CHRNA9: variants seen among roughly 807,000 people sequenced by gnomAD.
CHRNA9 encodes neuronal acetylcholine receptor subunit alpha-9.
Under a neutral mutation model 36.8 loss-of-function variants are expected in CHRNA9, and 24 were observed. The ratio of observed to expected loss-of-function variants is 0.65; its 90% CI spans 0.47 to 0.92. The LOEUF is 0.92. Ranked by LOEUF, CHRNA9 falls within the 40% of genes least tolerant of loss-of-function variation. The pLI is 0.00. For missense variants in CHRNA9, 610 were observed against 601.2 expected (o/e 1.01, Z -0.15); for synonymous variants, 231 against 231.8 (o/e 1.00, Z 0.03).
chr4:40,351,273 A>G (rs1264350233), intron 4 of CHRNA9, among the ~76,000 whole-genome samples: 8 of 151,732 alleles, frequency 5.3e-5, no homozygotes, highest in African/African-American at 1.9e-4. Context: ...TGAAGGTTGC[A>G]GTGAGCCAAG....
chr4:40,343,091 T>C (rs1328228815), intron 3 of CHRNA9, among the ~76,000 whole-genome samples: 2 of 152,342 alleles, frequency 1.3e-5, no homozygotes, highest in East Asian at 1.9e-4. Context: ...CGACTCTCCC[T>C]GCTCCCTCAT....
At position 40,348,973 on chromosome 4, in the gene CHRNA9, A is replaced by G; in HGVS notation, c.457A>G (p.Ser153Gly). The G allele has an allele frequency of 3.1e-6, 5 of 1,614,182 alleles. No individual in the cohort carries two copies. Among genetic ancestry groups the G allele is most frequent in the Non-Finnish European group, 4.2e-6 (5 of 1,180,024 alleles). ...CTGGGATGCACCGGCCATCACCAAA[A>G]GCTCCTGTGTGGTGGATGTCACCTA... ...ITWDAPAITK[S>G]SCVVDVTYFP... Residue 153 changes from serine to glycine, a missense_variant, in exon 4 of 5, where the codon AGC becomes GGC. Ser to Gly is a moderately conservative substitution (Grantham distance 56, BLOSUM62 0). Coordinates refer to ENST00000310169, the MANE Select transcript of CHRNA9 (RefSeq NM_017581.4).
intron 4 of CHRNA9, among the ~76,000 whole-genome samples, chr4:40,353,342 T>C (rs1712856405): frequency 1.3e-5 from 2 of 152,056 alleles, no homozygotes; most frequent in South Asian, 4.1e-4. Flanking sequence ...AATACAAAAA[T>C]TAGCCGGGCG....
chr4:40,344,631 C>T (rs1018286164), intron 3 of CHRNA9, among the ~76,000 whole-genome samples: 1 of 151,854 alleles, frequency 6.6e-6, no homozygotes, highest in Non-Finnish European at 1.5e-5. Context: ...TAAAAAGAAG[C>T]CTTAAGGTAT....
Position 40,349,146 on chromosome 4 carries a change from T to A in CHRNA9, c.630T>A (p.Ala210=). 1 of 1,614,188 alleles carries A rather than the reference T, an allele frequency of 6.2e-7. No individual in the cohort carries two copies. The part of the protein sequence containing the change: ...DVEWEVHGMP[A]VKNVISYGCC... ...AATGGGAGGTCCATGGCATGCCCGC[T>A]GTGAAGAATGTGATCTCCTATGGCT... Residue 210 remains alanine, a synonymous_variant, in exon 4 of 5, where the codon GCT becomes GCA. Coordinates refer to ENST00000310169, the MANE Select transcript of CHRNA9 (RefSeq NM_017581.4).
At chr4:40,352,762 T>C (rs1406191345) in intron 4 of CHRNA9, among the ~76,000 whole-genome samples, 2 of 152,220 alleles carry the variant, frequency 1.3e-5, no homozygotes, top group East Asian at 1.9e-4. Context: ...CACTTTTTCA[T>C]CAACATGTGC....
intron 3 of CHRNA9, among the ~76,000 whole-genome samples, chr4:40,339,298 A>G (rs6832425): frequency 0.12 from 16,086 of 129,644 alleles, 1,074 homozygotes; most frequent in Non-Finnish European, 0.2. Context: ...AAAAAAAAAA[A>G]AAAGAAAGAA....
chr4:40,335,591 A>G, intron 1 of CHRNA9, 60 bp downstream of exon 1: 1 of 1,327,582 alleles, frequency 7.5e-7, no homozygotes, highest in Middle Eastern at 1.9e-4. Flanking sequence ...CTTTGGTGGG[A>G]GGTGGGGCAG....
chr4:40,335,742 C>T, intron 1 of CHRNA9, 85 bp from the exon 2 acceptor site: 1 of 1,370,056 alleles, frequency 7.3e-7, no homozygotes, highest in South Asian at 1.3e-5. Context: ...GGGCCATCCC[C>T]CATTTTAGAC....
chr4:40,349,323 C>T lies in CHRNA9; in HGVS notation c.807C>T (p.Val269=). The T allele has an allele frequency of 6.2e-7, 1 of 1,614,160 alleles. No homozygotes were observed. Among genetic ancestry groups the T allele is most frequent in the East Asian group, 2.2e-5 (1 of 44,892 alleles). The change falls in exon 4 of 5, where the codon GTC becomes GTT. Residue 269 remains valine, a synonymous_variant. Coordinates refer to ENST00000310169, the MANE Select transcript of CHRNA9 (RefSeq NM_017581.4). ...TCCCAGCAGCCTCCGGAGAAAAGGTCTCCCTGGGAGTGACCATCCTGTTGG... is the reference window on the plus strand; with the variant it reads ...TCCCAGCAGCCTCCGGAGAAAAGGTTTCCCTGGGAGTGACCATCCTGTTGG... ...FYLPAASGEK[V]SLGVTILLAM... is the part of the protein sequence containing the mutation.
rs767362990 is a variant in CHRNA9, at chr4:40,348,860, A to G, written c.366-22A>G. On this transcript the variant is annotated intron_variant, in intron 3 of 4. Transcript: ENST00000310169. ...CAAGTTCTCCTAGCATGCGGCTTTCATTTTCCTTATCTGACCTTCAGGGCT... is the reference window on the plus strand; with the variant it reads ...CAAGTTCTCCTAGCATGCGGCTTTCGTTTTCCTTATCTGACCTTCAGGGCT... 3 of 1,603,770 alleles carry G rather than the reference A, an allele frequency of 1.9e-6. No homozygotes were observed. In the African/African-American group the frequency reaches 4.0e-5, roughly 21 times the overall value.
rs763435160 is a variant in CHRNA9, at chr4:40,354,488, A to G, written c.1408A>G (p.Met470Val). The G allele has an allele frequency of 3.1e-5, 50 of 1,613,472 alleles. No homozygotes were observed. The highest frequency in any genetic ancestry group is 4.1e-5 in the Non-Finnish European group (48 of 1,179,590). ...MWIFFIMVFVMTILIIARAD is the reference protein window; with the variant it reads ...MWIFFIMVFVVTILIIARAD The stretch of plus-strand genomic sequence containing the variant: ...GATTTTTTTCATTATGGTGTTTGTG[A>G]TGACTATTTTGATCATAGCAAGAGC... Residue 470 changes from methionine to valine, a missense_variant, in exon 5 of 5, where the codon ATG becomes GTG. Transcript: ENST00000310169.
chr4:40,346,030 AAACAACAAC>A (rs145046393), intron 3 of CHRNA9, among the ~76,000 whole-genome samples: 4 of 151,520 alleles, frequency 2.6e-5, no homozygotes, highest in Non-Finnish European at 4.4e-5. Context: ...CGTCTCAAAC[AAACAACAAC>A]AACAACAACA....
chr4:40,348,293 G>T (rs1577548443), intron 3 of CHRNA9, among the ~76,000 whole-genome samples: 1 of 152,122 alleles, frequency 6.6e-6, no homozygotes, highest in East Asian at 1.9e-4. Context: ...ATTCCCTAGA[G>T]AAAAATAGAA....
chr4:40,338,240 G>A, intron 3 of CHRNA9: 1 of 152,140 alleles, frequency 6.6e-6, no homozygotes, highest in East Asian at 1.9e-4. Flanking sequence ...ATTGTATAAC[G>A]GGTAGGTAAA....
chr4:40,354,845 TA>T lies in CHRNA9; in HGVS notation c.*329del, dbSNP rs1712913883. 1 of 200,440 alleles carries T rather than the reference TA, an allele frequency of 5.0e-6. No individual in the cohort carries two copies. Among genetic ancestry groups the T allele is most frequent in the South Asian group, 1.3e-4 (1 of 7,790 alleles). 12.4% of individuals were successfully genotyped at this position (200,440 alleles called of 1,614,324 possible). A position where few individuals can be genotyped will look rare whatever the true frequency, so the allele number is the denominator to read the frequency against. ...CAAAATACACTTTACTGGTAAAATT[TA>T]AAACAAAAAAGGCAAAACAAAACAA... On this transcript the variant is annotated 3_prime_UTR_variant, in exon 5 of 5. Transcript: ENST00000310169.
rs565258722 is a variant in CHRNA9, at chr4:40,337,088, A to C, written c.211-122A>C. 8.4e-6 allele frequency: 7 copies of C among 833,034 alleles called. No homozygotes were observed. In the African/African-American group the frequency reaches 1.0e-4, roughly 12 times the overall value. 51.6% of individuals were successfully genotyped at this position (833,034 alleles called of 1,614,324 possible). ...AGAATAAATAAAGAATAAAGCTCTCACTTTACTTATTGAAATTTGATGAGT... is the reference window on the plus strand; with the variant it reads ...AGAATAAATAAAGAATAAAGCTCTCCCTTTACTTATTGAAATTTGATGAGT... On this transcript the variant is annotated intron_variant, in intron 2 of 4. Coordinates refer to ENST00000310169, the MANE Select transcript of CHRNA9 (RefSeq NM_017581.4).
intron 2 of CHRNA9, among the ~76,000 whole-genome samples, chr4:40,336,889 A>G (rs1712338834): frequency 6.6e-6 from 1 of 152,202 alleles, no homozygotes. Flanking sequence ...CCTTCTGCAC[A>G]TTGTTATTTC....
chr4:40,350,682 T>C (rs1712773826), intron 4 of CHRNA9, among the ~76,000 whole-genome samples: 1 of 74,162 alleles, frequency 1.3e-5, no homozygotes, highest in Non-Finnish European at 3.0e-5. Flanking sequence ...TTTATGTCTC[T>C]CTTTGCAAAA....
Sources: gnomAD v4.1 joint callset for allele counts (sites outside exome capture counted in the v4.1 genomes callset) on GRCh38, gnomAD v4.1.1 for gene constraint, MANE v1.5 for transcripts, NCBI Gene and HGNC (gene_info 2026-07-23, HGNC 2026-07-21) for gene names.